Variants in FZD4 observed in about 807,000 individuals in gnomAD.
FZD4 encodes frizzled-4.
In FZD4, 16 loss-of-function variants were observed where a neutral mutation model predicts 37.3. That is an observed-to-expected ratio of 0.43 (90% CI 0.29 to 0.65). The LOEUF is 0.65. FZD4 is among the 30% of genes least tolerant of loss of function. FZD4 has a pLI of 0.16. For synonymous variants in FZD4, 246 were observed against 254.8 expected (o/e 0.97, Z 0.33); for missense variants, 599 against 674.3 (o/e 0.89, Z 1.24).
Position 86,945,805 on chromosome 11 carries a change from G to A in FZD4, c.*5337C>T, listed in dbSNP as rs1565394611. 6.6e-6 allele frequency: 1 copy of A among 152,570 alleles called. No individual in the cohort carries two copies. The highest frequency in any genetic ancestry group is 6.5e-5 in the Admixed American group (1 of 15,282). 9.5% of individuals were successfully genotyped at this position (152,570 alleles called of 1,614,324 possible). On this transcript the variant is annotated 3_prime_UTR_variant, in exon 2 of 2. Transcript: ENST00000531380. ...GACATACTTTTGTACATCCTTAAAA[G>A]CAGGGTCCATTTCCTTTGAAATTTA...
rs202085996 is a variant in FZD4, at chr11:86,951,133, T to C, written c.*9A>G. The C allele has an allele frequency of 6.8e-6, 11 of 1,613,846 alleles. No individual in the cohort carries two copies. The highest frequency in any genetic ancestry group is 9.3e-6 in the Non-Finnish European group (11 of 1,179,676). On this transcript the variant is annotated 3_prime_UTR_variant, in exon 2 of 2. Coordinates refer to ENST00000531380, the MANE Select transcript of FZD4 (RefSeq NM_012193.4). ...TTCAAAATGAAGAAAGCATGGAGGC[T>C]GACTAGCCTTATACCACAGTCTCAC...
At chr11:86,954,430 CCTTATCA>C in intron 1 of FZD4, 2 of 985,310 alleles carry the variant, frequency 2.0e-6, no homozygotes, top group Non-Finnish European at 2.4e-6. Flanking sequence ...AGGATGGTCT[CCTTATCA>C]CTCCCTCCAA....
rs942590141 is a variant in FZD4 at position 86,955,207 on chromosome 11, G to C, written c.-122C>G. 1.3e-6 allele frequency: 1 copy of C among 744,112 alleles called. No individual in the cohort carries two copies. The highest frequency in any genetic ancestry group is 2.0e-6 in the Non-Finnish European group (1 of 505,454). 46.1% of individuals were successfully genotyped at this position (744,112 alleles called of 1,614,324 possible). ...TCCCGGGACGGGAGTGTGATGCGGC[G>C]ACGAGGGGGCAGCGGCCGGCTCTCC... On this transcript the variant is annotated 5_prime_UTR_variant, in exon 1 of 2. Transcript: ENST00000531380.
rs747931382 is a variant in FZD4, at chr11:86,952,094, A to G, written c.662T>C (p.Ile221Thr). 7.6e-5 allele frequency: 122 copies of G among 1,613,988 alleles called. No individual in the cohort carries two copies. Among genetic ancestry groups the G allele is most frequent in the Admixed American group, 2.3e-4 (14 of 59,998 alleles). The change falls in exon 2 of 2, where the codon ATC becomes ACC. Residue 221 changes from isoleucine to threonine, a missense_variant. Transcript: ENST00000531380. ...YSRSAKEFTD[I>T]WMAVWASLCF... Reference sequence around the variant, plus strand: ...CAGGCTGGCCCACACAGCCATCCAGATATCAGTGAACTCCTTGGCTGAGCG... The same window carrying G: ...CAGGCTGGCCCACACAGCCATCCAGGTATCAGTGAACTCCTTGGCTGAGCG...
Position 86,954,960 on chromosome 11 carries a change from C to G in FZD4, c.126G>C (p.Glu42Asp), listed in dbSNP as rs1022636595. Residue 42 changes from glutamate (E) to aspartate (D), a missense_variant, in exon 1 of 2, where the codon GAG becomes GAC. Glu to Asp is a conservative substitution (Grantham distance 45). This residue lies in a region of FZD4 where 357 missense variants were observed against 396.1 expected (regional missense o/e 0.90). Transcript: ENST00000531380. Reference sequence around the variant, plus strand: ...AGATGCGGATGGGGTCGCAGCGCCGCTCTTCCTCGTCCCCGAAGCCCCGCG... The same window carrying G: ...AGATGCGGATGGGGTCGCAGCGCCGGTCTTCCTCGTCCCCGAAGCCCCGCG... ...GPARGFGDEE[E>D]RRCDPIRISM... 1.9e-6 allele frequency: 3 copies of G among 1,613,656 alleles called. No homozygotes were observed. Among genetic ancestry groups the G allele is most frequent in the Non-Finnish European group, 2.5e-6 (3 of 1,179,908 alleles).
In FZD4 at chr11:86,954,867, C is replaced by G. The variant is rs757399065; in HGVS notation, c.219G>C (p.Thr73=). 6.2e-7 allele frequency: 1 copy of G among 1,613,506 alleles called. No individual in the cohort carries two copies. Among genetic ancestry groups the G allele is most frequent in the Non-Finnish European group, 8.5e-7 (1 of 1,179,860 alleles). The change falls in exon 1 of 2, where the codon ACG becomes ACC. Residue 73 remains threonine, a synonymous_variant. Coordinates refer to ENST00000531380, the MANE Select transcript of FZD4 (RefSeq NM_012193.4). ...AAGTTGTCAGCTGCAGCTCGGCGTC[C>G]GTCTGCAGCTCGTGCCCAACCAGGT... ...MPNLVGHELQ[T]DAELQLTTFT...
Position 86,955,354 on chromosome 11 carries a change from G to A in FZD4, c.-269C>T, listed in dbSNP as rs1158415278. 5.6e-6 allele frequency: 2 copies of A among 355,174 alleles called. No homozygotes were observed. Among genetic ancestry groups the A allele is most frequent in the Non-Finnish European group, 1.0e-5 (2 of 199,062 alleles). The allele number at this position is 355,174 out of a possible 1,614,324, so 22.0% of individuals were successfully genotyped here. On this transcript the variant is annotated 5_prime_UTR_variant, in exon 1 of 2. In the 5' UTR this introduces an upstream ATG that the reference lacks. Transcript: ENST00000531380. Reference sequence around the variant, plus strand: ...CCGGCGCCGGCCGCGTCCGTTCGGCGTCTCCGCGAGGCCAGCCAGCAGCCA... The same window carrying A: ...CCGGCGCCGGCCGCGTCCGTTCGGCATCTCCGCGAGGCCAGCCAGCAGCCA...
chr11:86,955,072 C>T lies in FZD4; in HGVS notation c.14G>A (p.Gly5Asp), dbSNP rs1949325159. 3.2e-6 allele frequency: 5 copies of T among 1,557,154 alleles called. No homozygotes were observed. The highest frequency in any genetic ancestry group is 1.8e-4 in the Middle Eastern group (1 of 5,516). The change falls in exon 1 of 2, where the codon GGC becomes GAC. Residue 5 changes from glycine (G) to aspartate (D), a missense_variant. By Grantham distance (94) the Gly-to-Asp change is moderately conservative. This residue lies in a region of FZD4 where 357 missense variants were observed against 396.1 expected (regional missense o/e 0.90). Coordinates refer to ENST00000531380, the MANE Select transcript of FZD4 (RefSeq NM_012193.4). Reference sequence around the variant, plus strand: ...CGCCCCCGGGACGCTCGGCCCTGCGCCCCGCCAGGCCATGGCCAGCATCGG... The same window carrying T: ...CGCCCCCGGGACGCTCGGCCCTGCGTCCCGCCAGGCCATGGCCAGCATCGG... Reference protein sequence around the residue: MAWRGAGPSVPGAPG... With the variant: MAWRDAGPSVPGAPG...
chr11:86,950,818 A>G lies in FZD4; in HGVS notation c.*324T>C. ...CAAATCCCACCCTGCAGGGGAAAAC[A>G]GTATCGCCCTGGACTTCCTGGAATC... On this transcript the variant is annotated 3_prime_UTR_variant, in exon 2 of 2. Transcript: ENST00000531380. 1 of 404,926 alleles carries G rather than the reference A, an allele frequency of 2.5e-6. No individual in the cohort carries two copies. Among genetic ancestry groups the G allele is most frequent in the Non-Finnish European group, 4.6e-6 (1 of 217,788 alleles). The allele number at this position is 404,926 out of a possible 1,614,324, so 25.1% of individuals were successfully genotyped here.
At chr11:86,954,486 A>G (rs1005718957) in intron 1 of FZD4, 19 of 985,182 alleles carry the variant, frequency 1.9e-5, no homozygotes, top group Non-Finnish European at 2.3e-5. Flanking sequence ...TCGCCCACCG[A>G]GCAGTGGCGG....
chr11:86,954,552 A>G (rs1949319899), intron 1 of FZD4: 2 of 985,414 alleles, frequency 2.0e-6, no homozygotes, highest in African/African-American at 3.5e-5. Context: ...GGTCTGGGCC[A>G]GACATGGGTG....
Position 86,951,015 on chromosome 11 carries a change from G to T in FZD4, c.*127C>A. 9.9e-7 allele frequency: 1 copy of T among 1,009,494 alleles called. No individual in the cohort carries two copies. The highest frequency in any genetic ancestry group is 2.4e-5 in the East Asian group (1 of 41,930). 62.5% of individuals were successfully genotyped at this position (1,009,494 alleles called of 1,614,324 possible). ...TCGGGGTGGGAGGCAGTGGGTTGAC[G>T]GGGGTCACTTAATTGTTGCTAGTTT... On this transcript the variant is annotated 3_prime_UTR_variant, in exon 2 of 2. Transcript: ENST00000531380.
At position 86,951,735 on chromosome 11, in the gene FZD4, C is replaced by T; in HGVS notation, c.1021G>A (p.Glu341Lys). The T allele has an allele frequency of 6.2e-7, 1 of 1,614,192 alleles. No individual in the cohort carries two copies. The highest frequency in any genetic ancestry group is 8.5e-7 in the Non-Finnish European group (1 of 1,180,040). ...ATGTGGAAATAAGAGCTGTGCATTTCAATGGCTTCATGACCCCATTTGAGT... is the reference window on the plus strand; with the variant it reads ...ATGTGGAAATAAGAGCTGTGCATTTTAATGGCTTCATGACCCCATTTGAGT... ...AGLKWGHEAIEMHSSYFHIAA... is the reference protein window; with the variant it reads ...AGLKWGHEAIKMHSSYFHIAA... Residue 341 changes from glutamate to lysine, a missense_variant, in exon 2 of 2, where the codon GAA becomes AAA. Coordinates refer to ENST00000531380, the MANE Select transcript of FZD4 (RefSeq NM_012193.4).
intron 1 of FZD4, chr11:86,952,871 C>G (rs1330944334): frequency 6.3e-6 from 1 of 157,524 alleles, no homozygotes; most frequent in Non-Finnish European, 1.4e-5. Flanking sequence ...ATTTTTATCC[C>G]CGTTTCTTTA....
chr11:86,952,083 C>G lies in FZD4; in HGVS notation c.673G>C (p.Val225Leu). The change falls in exon 2 of 2, where the codon GTG becomes CTG. Residue 225 changes from valine to leucine, a missense_variant. This residue lies in a region of FZD4 where 357 missense variants were observed against 396.1 expected (regional missense o/e 0.90). Coordinates refer to ENST00000531380, the MANE Select transcript of FZD4 (RefSeq NM_012193.4). ...AKEFTDIWMA[V>L]WASLCFISTA... ...GAGATGAAACACAGGCTGGCCCACACAGCCATCCAGATATCAGTGAACTCC... is the reference window on the plus strand; with the variant it reads ...GAGATGAAACACAGGCTGGCCCACAGAGCCATCCAGATATCAGTGAACTCC... 6.2e-7 allele frequency: 1 copy of G among 1,614,112 alleles called. No individual in the cohort carries two copies. Among genetic ancestry groups the G allele is most frequent in the Non-Finnish European group, 8.5e-7 (1 of 1,179,968 alleles).
chr11:86,951,672 T>C lies in FZD4; in HGVS notation c.1084A>G (p.Ile362Val), dbSNP rs369763103. Residue 362 changes from isoleucine (I) to valine (V), a missense_variant, in exon 2 of 2, where the codon ATC becomes GTC. Ile to Val is a conservative substitution (Grantham distance 29). Around this residue, in one of 3 missense-constraint regions of FZD4, gnomAD observed 39 missense variants for 81.4 expected, o/e 0.48. Transcript: ENST00000531380. ...WAIPAVKTIVILIMRLVDADE... is the reference protein window; with the variant it reads ...WAIPAVKTIVVLIMRLVDADE... Reference sequence around the variant, plus strand: ...GCATCCACCAGTCTCATAATCAAGATGACAATGGTTTTCACTGCGGGGATG... The same window carrying C: ...GCATCCACCAGTCTCATAATCAAGACGACAATGGTTTTCACTGCGGGGATG... 2.5e-6 allele frequency: 4 copies of C among 1,614,022 alleles called. No homozygotes were observed. The highest frequency in any genetic ancestry group is 2.5e-6 in the Non-Finnish European group (3 of 1,180,020).
chr11:86,954,318 C>G, intron 1 of FZD4: 1 of 985,314 alleles, frequency 1.0e-6, no homozygotes, highest in Non-Finnish European at 1.2e-6. Context: ...ACCTCTAAAA[C>G]GCTGCGGGAC....
Position 86,954,944 on chromosome 11 carries a change from T to C in FZD4, c.142A>G (p.Ile48Val). 2 of 1,613,410 alleles carry C rather than the reference T, an allele frequency of 1.2e-6. No individual in the cohort carries two copies. The highest frequency in any genetic ancestry group is 4.5e-5 in the East Asian group (2 of 44,806). The change falls in exon 1 of 2, where the codon ATC becomes GTC. Residue 48 changes from isoleucine to valine, a missense_variant. Coordinates refer to ENST00000531380, the MANE Select transcript of FZD4 (RefSeq NM_012193.4). ...GDEEERRCDPIRISMCQNLGY... is the reference protein window; with the variant it reads ...GDEEERRCDPVRISMCQNLGY... Reference sequence around the variant, plus strand: ...AGGTTCTGGCACATGGAGATGCGGATGGGGTCGCAGCGCCGCTCTTCCTCG... The same window carrying C: ...AGGTTCTGGCACATGGAGATGCGGACGGGGTCGCAGCGCCGCTCTTCCTCG...
intron 1 of FZD4, chr11:86,954,594 A>T: frequency 3.0e-6 from 3 of 985,354 alleles, no homozygotes; most frequent in Non-Finnish European, 3.6e-6. Context: ...GGCGGGGTGT[A>T]AGAGTGGGTT....
Sources: allele counts gnomAD v4.1 joint callset, GRCh38; gene constraint gnomAD v4.1.1; regional missense constraint gnomAD v4.1.1; transcripts MANE v1.5; gene names NCBI Gene and HGNC (gene_info 2026-07-23, HGNC 2026-07-21).